Variants in GRID1 observed in about 807,000 individuals in gnomAD.
GRID1 encodes the protein glutamate ionotropic receptor delta type subunit 1, also known as glutamate receptor ionotropic, delta-1.
GRID1 carries 28 observed loss-of-function variants against 98.0 expected under a neutral mutation model. The ratio of observed to expected loss-of-function variants is 0.29; its 90% CI spans 0.21 to 0.39. The LOEUF is 0.39. Among genes scored for constraint, GRID1 ranks in the 10% least tolerant of loss-of-function variants. GRID1 has a pLI of 1.00. For missense variants in GRID1, 1,111 were observed against 1,340.5 expected (o/e 0.83, Z 2.67); for synonymous variants, 553 against 538.5 (o/e 1.03, Z -0.37).
intron 8 of GRID1, among the ~76,000 whole-genome samples, chr10:85,829,002 C>T (rs1271481510): frequency 6.6e-6 from 1 of 152,048 alleles, no homozygotes; most frequent in East Asian, 1.9e-4. Context: ...AGAGACACAA[C>T]AAAAACAGAA....
intron 3 of GRID1, among the ~76,000 whole-genome samples, chr10:86,178,486 G>C (rs1845609296): frequency 6.6e-6 from 1 of 152,142 alleles, no homozygotes; most frequent in African/African-American, 2.4e-5. Context: ...AGGACATTCA[G>C]GCCCAGGTTC....
intron 4 of GRID1, among the ~76,000 whole-genome samples, chr10:86,065,910 C>T (rs866637863): frequency 1.3e-5 from 2 of 152,324 alleles, no homozygotes; most frequent in African/African-American, 2.4e-5. Flanking sequence ...TGAAACTGTA[C>T]AGACTGGGAG....
At chr10:85,808,573 T>C (rs1842642743) in intron 8 of GRID1, among the ~76,000 whole-genome samples, 1 of 152,176 alleles carries the variant, frequency 6.6e-6, no homozygotes, top group Non-Finnish European at 1.5e-5. Context: ...AACATCTCGA[T>C]GAATAAATGT....
At chr10:85,666,525 A>C (rs929669599) in intron 12 of GRID1, among the ~76,000 whole-genome samples, 1 of 152,166 alleles carries the variant, frequency 6.6e-6, no homozygotes, top group Non-Finnish European at 1.5e-5. Flanking sequence ...TGGAGAAGTA[A>C]GAGATTTAGT....
chr10:85,687,096 C>T (rs1036170606), intron 12 of GRID1, among the ~76,000 whole-genome samples: 1 of 152,166 alleles, frequency 6.6e-6, no homozygotes, highest in African/African-American at 2.4e-5. Context: ...GTTGAAAGTA[C>T]TGCAACTTCT....
chr10:85,886,473 A>G (rs1270027775), intron 5 of GRID1, among the ~76,000 whole-genome samples: 2 of 152,216 alleles, frequency 1.3e-5, no homozygotes, highest in Admixed American at 1.3e-4. Context: ...ATGGGACTTG[A>G]AATGGGGTAC....
chr10:86,058,259 G>A (rs773439719), intron 4 of GRID1, among the ~76,000 whole-genome samples: 2 of 152,152 alleles, frequency 1.3e-5, no homozygotes, highest in Non-Finnish European at 2.9e-5. Context: ...TCAGGTAGAA[G>A]CAAGGTAGAA....
chr10:85,881,858 T>C (rs954975697), intron 5 of GRID1, among the ~76,000 whole-genome samples: 2 of 151,586 alleles, frequency 1.3e-5, no homozygotes, highest in Non-Finnish European at 2.9e-5. Context: ...TGGGAGAAAA[T>C]TTTTGCAATC....
chr10:85,926,262 G>A (rs1220160319), intron 4 of GRID1, among the ~76,000 whole-genome samples: 1 of 152,072 alleles, frequency 6.6e-6, no homozygotes, highest in Non-Finnish European at 1.5e-5. Context: ...CTCTTACCTC[G>A]GCCACCTGGG....
intron 4 of GRID1, among the ~76,000 whole-genome samples, chr10:86,122,545 G>A (rs12573606): frequency 0.53 from 81,111 of 152,140 alleles, 23,988 homozygotes; most frequent in East Asian, 0.7. Flanking sequence ...GCCTCTCCCT[G>A]GCACTGGAGC....
chr10:85,906,411 C>T (rs1428495658), intron 5 of GRID1, among the ~76,000 whole-genome samples: 1 of 152,116 alleles, frequency 6.6e-6, no homozygotes, highest in Admixed American at 6.5e-5. Flanking sequence ...TGACCTAATT[C>T]ACATTTATGA....
chr10:86,289,772 C>T (rs1249935126), intron 2 of GRID1, among the ~76,000 whole-genome samples: 1 of 152,152 alleles, frequency 6.6e-6, no homozygotes, highest in Admixed American at 6.5e-5. Context: ...TCCTACTCAC[C>T]CCAGTTGGTT....
chr10:85,824,993 G>T (rs575361840), intron 8 of GRID1, among the ~76,000 whole-genome samples: 1 of 152,230 alleles, frequency 6.6e-6, no homozygotes, highest in East Asian at 1.9e-4. Flanking sequence ...AAATTGTGTT[G>T]CAATAAACAT....
chr10:85,601,178 T>C lies in GRID1; in HGVS notation c.*1095A>G, dbSNP rs1248332252. 1 of 152,382 alleles carries C rather than the reference T, an allele frequency of 6.6e-6. No individual in the cohort carries two copies. The highest frequency in any genetic ancestry group is 1.5e-5 in the Non-Finnish European group (1 of 68,352). 9.4% of individuals were successfully genotyped at this position (152,382 alleles called of 1,614,324 possible). ...CAGCATGCCCCATCACCTGGAGTAC[T>C]GGTCCACCCACCTGGGCACCTCCCC... On this transcript the variant is annotated 3_prime_UTR_variant, in exon 16 of 16. Coordinates refer to ENST00000327946, the MANE Select transcript of GRID1 (RefSeq NM_017551.3).
intron 5 of GRID1, among the ~76,000 whole-genome samples, chr10:85,894,524 G>T (rs1489903954): frequency 1.3e-5 from 2 of 152,110 alleles, no homozygotes; most frequent in Non-Finnish European, 1.5e-5. Context: ...AATTTTTGTG[G>T]GTTATGCAAA....
chr10:85,843,209 A>G (rs77011989), intron 8 of GRID1, among the ~76,000 whole-genome samples: 5,022 of 152,114 alleles, frequency 0.033, 125 homozygotes, highest in Non-Finnish European at 0.047. Flanking sequence ...CTTTTAAACA[A>G]ATGGTGATGA....
chr10:85,790,989 G>T (rs1842474781), intron 8 of GRID1, among the ~76,000 whole-genome samples: 1 of 152,178 alleles, frequency 6.6e-6, no homozygotes, highest in Non-Finnish European at 1.5e-5. Flanking sequence ...CTGCCTCCAT[G>T]GTTATCTACT....
At chr10:85,911,549 C>T (rs1352311886) in intron 5 of GRID1, among the ~76,000 whole-genome samples, 3 of 152,208 alleles carry the variant, frequency 2.0e-5, no homozygotes, top group Admixed American at 6.5e-5. Context: ...TAGAGACTCA[C>T]TCTCTGAGAA....
At chr10:85,959,035 T>C (rs1842231579) in intron 4 of GRID1, among the ~76,000 whole-genome samples, 1 of 152,042 alleles carries the variant, frequency 6.6e-6, no homozygotes, top group African/African-American at 2.4e-5. Context: ...TCTGCCTGAC[T>C]GTGTTGAGCT....
Sources: gnomAD v4.1 joint callset for allele counts (sites outside exome capture counted in the v4.1 genomes callset) on GRCh38, gnomAD v4.1.1 for gene constraint, MANE v1.5 for transcripts, NCBI Gene and HGNC (gene_info 2026-07-23, HGNC 2026-07-21) for gene names.